ATP8B4: variants seen among roughly 807,000 people sequenced by gnomAD.
The protein encoded by ATP8B4 is ATPase phospholipid transporting 8B4 (putative), also known as probable phospholipid-transporting ATPase IM.
ATP8B4 carries 133 observed loss-of-function variants against 145.6 expected under a neutral mutation model. The observed-to-expected ratio is 0.91, with a 90% confidence interval of 0.79 to 1.05. The LOEUF is 1.05. Among genes scored for constraint, ATP8B4 ranks in the 50% least tolerant of loss-of-function variants. The probability of loss-of-function intolerance (pLI) is 0.00; values close to 1 mark genes in which losing one functional copy is unlikely to be tolerated. For synonymous variants in ATP8B4, 507 were observed against 492.9 expected (o/e 1.03, Z -0.38); for missense variants, 1,458 against 1,425.2 (o/e 1.02, Z -0.37).
At chr15:49,957,847 A>G (rs1156388652) in intron 14 of ATP8B4, among the ~76,000 whole-genome samples, 4 of 152,022 alleles carry the variant, frequency 2.6e-5, no homozygotes, top group South Asian at 4.1e-4. Context: ...ACTCAAACAG[A>G]TAACATAAAT....
intron 12 of ATP8B4, among the ~76,000 whole-genome samples, chr15:49,975,257 T>G (rs1382080209): frequency 1.3e-5 from 2 of 152,110 alleles, no homozygotes; most frequent in East Asian, 3.8e-4. Flanking sequence ...TAGTAAGGAA[T>G]TTTAGTTTAG....
chr15:50,097,707 A>G (rs957129172), intron 2 of ATP8B4, among the ~76,000 whole-genome samples: 2 of 152,218 alleles, frequency 1.3e-5, no homozygotes, highest in African/African-American at 4.8e-5. Flanking sequence ...CTCAGTAAAT[A>G]GGAAACCCAC....
intron 12 of ATP8B4, among the ~76,000 whole-genome samples, chr15:49,977,240 G>C (rs1323083040): frequency 1.3e-5 from 2 of 152,112 alleles, no homozygotes; most frequent in Non-Finnish European, 2.9e-5. Context: ...ATTCCGGACA[G>C]AAATACCTGG....
At chr15:50,075,739 C>A (rs1244813351) in intron 2 of ATP8B4, among the ~76,000 whole-genome samples, 1 of 152,182 alleles carries the variant, frequency 6.6e-6, no homozygotes, top group Non-Finnish European at 1.5e-5. Flanking sequence ...CACCTCAAAC[C>A]CTGGCTAAAA....
intron 2 of ATP8B4, among the ~76,000 whole-genome samples, chr15:50,101,323 A>G (rs1009788924): frequency 6.6e-6 from 1 of 152,114 alleles, no homozygotes; most frequent in Non-Finnish European, 1.5e-5. Context: ...TGATGTCTAC[A>G]ACATTTGACA....
Position 49,931,201 on chromosome 15 carries a change from T to C in ATP8B4, c.1560A>G (p.Ile520Met). ...AAGTAACTAGTGTTCCCAATTCTTCTATTGTTATGGTCTCTGGGGTCCGGG... is the reference window on the plus strand; with the variant it reads ...AAGTAACTAGTGTTCCCAATTCTTCCATTGTTATGGTCTCTGGGGTCCGGG... ...FKSRTPETIT[I>M]EELGTLVTYQ... Residue 520 changes from isoleucine to methionine, a missense_variant, in exon 16 of 28, where the codon ATA (isoleucine) becomes ATG (methionine). Ile to Met is a conservative substitution (Grantham distance 10, BLOSUM62 1). Coordinates refer to ENST00000284509, the MANE Select transcript of ATP8B4 (RefSeq NM_024837.4). The C allele has an allele frequency of 6.2e-7, 1 of 1,612,830 alleles. No individual in the cohort carries two copies. The highest frequency in any genetic ancestry group is 8.5e-7 in the Non-Finnish European group (1 of 1,179,186).
chr15:50,141,371 T>G (rs1190157642), intron 1 of ATP8B4, among the ~76,000 whole-genome samples: 1 of 152,110 alleles, frequency 6.6e-6, no homozygotes, highest in East Asian at 1.9e-4. Context: ...GCCATGGTTT[T>G]TGATTCCTAT....
chr15:50,015,635 A>G (rs1299164370), intron 6 of ATP8B4, among the ~76,000 whole-genome samples: 1 of 152,194 alleles, frequency 6.6e-6, no homozygotes, highest in Non-Finnish European at 1.5e-5. Context: ...TGCAATCATG[A>G]TCCCCTGACA....
At chr15:49,936,558 T>C (rs1171799909) in intron 14 of ATP8B4, among the ~76,000 whole-genome samples, 2 of 152,170 alleles carry the variant, frequency 1.3e-5, no homozygotes, top group African/African-American at 4.8e-5. Flanking sequence ...CCCACTTCTC[T>C]CCTTTAAAAG....
intron 1 of ATP8B4, among the ~76,000 whole-genome samples, chr15:50,165,815 G>A (rs777183738): frequency 1.3e-5 from 2 of 152,030 alleles, no homozygotes; most frequent in African/African-American, 2.4e-5. Context: ...AAAAACTGTT[G>A]AGCAATATCA....
intron 1 of ATP8B4, among the ~76,000 whole-genome samples, chr15:50,168,771 G>A (rs77748036): frequency 0.034 from 5,157 of 152,268 alleles, 127 homozygotes; most frequent in Non-Finnish European, 0.053. Context: ...GCTGGTAGGT[G>A]GAAAGCCTCA....
At chr15:49,984,698 C>G (rs139242602) in intron 10 of ATP8B4, among the ~76,000 whole-genome samples, 1 of 151,994 alleles carries the variant, frequency 6.6e-6, no homozygotes, top group Admixed American at 6.6e-5. Context: ...CGAGACAAAG[C>G]CCAACCAGAA....
chr15:49,861,261 GC>G (rs1566883504), intron 27 of ATP8B4, among the ~76,000 whole-genome samples: 1 of 151,984 alleles, frequency 6.6e-6, no homozygotes, highest in Non-Finnish European at 1.5e-5. Flanking sequence ...TAACTCATCC[GC>G]CATTTTCTGG....
chr15:50,075,635 A>G (rs2054123717), intron 2 of ATP8B4, among the ~76,000 whole-genome samples: 1 of 152,152 alleles, frequency 6.6e-6, no homozygotes, highest in African/African-American at 2.4e-5. Context: ...TCAACAGTTG[A>G]TGATACCTAA....
At position 50,047,430 on chromosome 15, in the gene ATP8B4, A is replaced by G; in HGVS notation, c.122T>C (p.Leu41Pro). 2 of 1,594,888 alleles carry G rather than the reference A, an allele frequency of 1.3e-6. No homozygotes were observed. The highest frequency in any genetic ancestry group is 1.7e-6 in the Non-Finnish European group (2 of 1,162,610). Reference protein sequence around the residue: ...NRIHTSKYNILTFLPINLFEQ... With the variant: ...NRIHTSKYNIPTFLPINLFEQ... ...AAATAAATTAATTGGCAAGAAGGTG[A>G]GAATATTATATTTCGATGTGTGGAT... The change falls in exon 4 of 28, where the codon CTC (leucine) becomes CCC (proline). Residue 41 changes from leucine to proline, a missense_variant. Leu to Pro is a moderately conservative substitution (Grantham distance 98). Transcript: ENST00000284509.
intron 1 of ATP8B4, among the ~76,000 whole-genome samples, chr15:50,158,390 T>TG (rs1168456759): frequency 7.0e-6 from 1 of 141,864 alleles, no homozygotes; most frequent in Non-Finnish European, 1.5e-5. Flanking sequence ...GGGAGGGAGG[T>TG]GGGGGTCAGC....
At chr15:50,140,262 C>A (rs912518727) in intron 1 of ATP8B4, among the ~76,000 whole-genome samples, 1 of 152,106 alleles carries the variant, frequency 6.6e-6, no homozygotes, top group Non-Finnish European at 1.5e-5. Context: ...CCCAGGGTAA[C>A]CATGACAACA....
chr15:49,872,169 T>C (rs542406553), intron 25 of ATP8B4, among the ~76,000 whole-genome samples: 3 of 152,334 alleles, frequency 2.0e-5, no homozygotes, highest in African/African-American at 7.2e-5. Context: ...TTTAACAGAA[T>C]AATCACAGAT....
chr15:49,979,875 G>A, intron 11 of ATP8B4, 62 bp from the exon 12 acceptor site: 1 of 1,224,042 alleles, frequency 8.2e-7, no homozygotes, highest in South Asian at 1.8e-5. Flanking sequence ...ATATCAACAT[G>A]ATCTAATTAC....
Sources: gnomAD v4.1 joint callset for allele counts (sites outside exome capture counted in the v4.1 genomes callset) on GRCh38, gnomAD v4.1.1 for gene constraint, MANE v1.5 for transcripts, NCBI Gene and HGNC (gene_info 2026-07-23, HGNC 2026-07-21) for gene names.